PTPRO: variants seen among roughly 807,000 people sequenced by gnomAD.
The protein encoded by PTPRO is protein tyrosine phosphatase receptor type O.
A neutral mutation model predicts 145.2 loss-of-function variants in PTPRO; 62 were observed. The ratio of observed to expected loss-of-function variants is 0.43; its 90% CI spans 0.35 to 0.53. The LOEUF (loss-of-function observed/expected upper bound fraction) is 0.53. Ranked by LOEUF, PTPRO falls within the 20% of genes least tolerant of loss-of-function variation. PTPRO has a pLI of 0.01. For synonymous variants in PTPRO, 565 were observed against 514.7 expected (o/e 1.10, Z -1.32); for missense variants, 1,345 against 1,482.7 (o/e 0.91, Z 1.53).
chr12:15,529,748 A>G (rs1942921197), intron 12 of PTPRO, among the ~76,000 whole-genome samples: 1 of 152,250 alleles, frequency 6.6e-6, no homozygotes, highest in South Asian at 2.1e-4. Context: ...CAGTTCATTA[A>G]AAATAAAAAG....
At chr12:15,440,862 C>A (rs1212310328) in intron 1 of PTPRO, among the ~76,000 whole-genome samples, 1 of 152,166 alleles carries the variant, frequency 6.6e-6, no homozygotes, top group East Asian at 1.9e-4. Context: ...AACTTTGGAG[C>A]AACCAGATTT....
rs552145740 is a variant in PTPRO, at chr12:15,403,443, C to T, written c.76-80531C>T. ...AGTAAAAATACAAAAATTAGCCGGG[C>T]GTGGTGGCACACACCTGTAGTCCCA... On this transcript the variant is annotated intron_variant, in intron 1 of 26. Transcript: ENST00000281171. Among the ~76,000 whole-genome samples, 297 of 152,166 alleles carry T rather than the reference C, an allele frequency of 2.0e-3. 1 individual carries two copies. Among genetic ancestry groups the T allele is most frequent in the Non-Finnish European group, 2.1e-3 (143 of 68,006 alleles).
intron 1 of PTPRO, among the ~76,000 whole-genome samples, chr12:15,408,843 G>A (rs983687044): frequency 2.2e-4 from 34 of 152,034 alleles, no homozygotes; most frequent in African/African-American, 6.5e-4. Flanking sequence ...TCTTAGCCTC[G>A]GTATCTTTAA....
intron 23 of PTPRO, among the ~76,000 whole-genome samples, chr12:15,582,603 T>C (rs1944344860): frequency 6.6e-6 from 1 of 152,208 alleles, no homozygotes; most frequent in Non-Finnish European, 1.5e-5. Flanking sequence ...AGGACAGAAG[T>C]GTTCTCATTA....
chr12:15,344,187 C>T (rs1867114772), intron 1 of PTPRO, among the ~76,000 whole-genome samples: 1 of 152,158 alleles, frequency 6.6e-6, no homozygotes, highest in Non-Finnish European at 1.5e-5. Context: ...CACACTTGAA[C>T]ATTGTTAATG....
Position 15,322,886 on chromosome 12 carries a change from G to A in PTPRO, c.75+85G>A, listed in dbSNP as rs1866341137. On this transcript the variant is annotated intron_variant, in intron 1 of 26. Coordinates refer to ENST00000281171, the MANE Select transcript of PTPRO (RefSeq NM_030667.3). This position sits in a 1 kb window ranked among gnomAD's most constrained non-coding sequence, Gnocchi z 6.3. Reference sequence around the variant, plus strand: ...CCCTCGCTCTGCCGTTGGGAGCGGCGCGCCCCAGGGCACGATGGCCCAGCC... The same window carrying A: ...CCCTCGCTCTGCCGTTGGGAGCGGCACGCCCCAGGGCACGATGGCCCAGCC... 7.2e-7 allele frequency: 1 copy of A among 1,391,222 alleles called. No individual in the cohort carries two copies. The highest frequency in any genetic ancestry group is 9.9e-7 in the Non-Finnish European group (1 of 1,008,466). 86.2% of individuals were successfully genotyped at this position (1,391,222 alleles called of 1,614,324 possible).
At chr12:15,327,762 G>C (rs1866488142) in intron 1 of PTPRO, among the ~76,000 whole-genome samples, 1 of 152,106 alleles carries the variant, frequency 6.6e-6, no homozygotes, top group African/African-American at 2.4e-5. Flanking sequence ...GAATGGATTG[G>C]GATGAGTGTG....
chr12:15,466,631 A>G (rs1941423660), intron 1 of PTPRO, among the ~76,000 whole-genome samples: 1 of 152,172 alleles, frequency 6.6e-6, no homozygotes, highest in African/African-American at 2.4e-5. Context: ...AAGCACCTTA[A>G]TTACATTTTT....
chr12:15,335,106 AATT>A (rs1565569749), intron 1 of PTPRO, among the ~76,000 whole-genome samples: 1 of 152,122 alleles, frequency 6.6e-6, no homozygotes, highest in African/African-American at 2.4e-5. Flanking sequence ...ACTAAAGTGT[AATT>A]ATAAAAATTG....
intron 2 of PTPRO, among the ~76,000 whole-genome samples, chr12:15,496,531 G>T (rs1240897339): frequency 3.9e-5 from 6 of 152,130 alleles, no homozygotes; most frequent in Non-Finnish European, 5.9e-5. Context: ...CAAGAATTTT[G>T]CAGGAGAGTG....
At chr12:15,404,676 A>G (rs1455463915) in intron 1 of PTPRO, among the ~76,000 whole-genome samples, 1 of 152,022 alleles carries the variant, frequency 6.6e-6, no homozygotes, top group African/African-American at 2.4e-5. Flanking sequence ...AGACTAAGAG[A>G]AAAAAAACCT....
chr12:15,493,409 T>A (rs253861), intron 2 of PTPRO, among the ~76,000 whole-genome samples: 3,022 of 152,040 alleles, frequency 0.02, 114 homozygotes, highest in East Asian at 0.14. Context: ...GACACAATTT[T>A]AAAAAATGAC....
chr12:15,520,328 G>C lies in PTPRO; in HGVS notation c.1891+16G>C. The C allele has an allele frequency of 6.4e-7, 1 of 1,562,916 alleles. No individual in the cohort carries two copies. Among genetic ancestry groups the C allele is most frequent in the Non-Finnish European group, 8.8e-7 (1 of 1,133,686 alleles). ...TTCATAACAGGTGAGGCATGTGTGG[G>C]GAACAGTTCCACAAGGAGAGAGCAT... is the stretch of plus-strand genomic sequence containing the variant. On this transcript the variant is annotated intron_variant, in intron 10 of 26. Coordinates refer to ENST00000281171, the MANE Select transcript of PTPRO (RefSeq NM_030667.3).
chr12:15,498,321 G>A (rs1341855155), intron 3 of PTPRO, among the ~76,000 whole-genome samples: 4 of 152,150 alleles, frequency 2.6e-5, no homozygotes, highest in South Asian at 2.1e-4. Context: ...TTGGGAGGCC[G>A]AGGTGGGCAG....
chr12:15,549,088 C>T lies in PTPRO; in HGVS notation c.2305-6C>T, dbSNP rs1385041292. 2 of 1,612,804 alleles carry T rather than the reference C, an allele frequency of 1.2e-6. No homozygotes were observed. The highest frequency in any genetic ancestry group is 2.2e-5 in the East Asian group (1 of 44,846). ...CTAAAATTTACCTTATTTTCTGAAA[C>T]CCCAGGAACCAGTTGCTGTTTCTTC... On this transcript the variant is annotated splice_region_variant and splice_polypyrimidine_tract_variant and intron_variant, in intron 13 of 26. Coordinates refer to ENST00000281171, the MANE Select transcript of PTPRO (RefSeq NM_030667.3).
intron 2 of PTPRO, among the ~76,000 whole-genome samples, chr12:15,491,730 C>T (rs1942003113): frequency 6.6e-6 from 1 of 152,144 alleles, no homozygotes; most frequent in African/African-American, 2.4e-5. Context: ...CATTTCCAGA[C>T]ACAAAGCCAC....
intron 1 of PTPRO, among the ~76,000 whole-genome samples, chr12:15,376,860 G>A (rs2136268886): frequency 6.6e-6 from 1 of 152,172 alleles, no homozygotes; most frequent in East Asian, 1.9e-4. Flanking sequence ...CACATTGGGG[G>A]TATTTCAATA....
At chr12:15,552,839 G>A (rs977727286) in intron 15 of PTPRO, among the ~76,000 whole-genome samples, 16 of 119,884 alleles carry the variant, frequency 1.3e-4, no homozygotes, top group South Asian at 5.4e-4. Context: ...TCACTCTGTC[G>A]CCCAGGCTGG....
At chr12:15,477,302 G>GC (rs1487758056) in intron 1 of PTPRO, among the ~76,000 whole-genome samples, 3 of 130,506 alleles carry the variant, frequency 2.3e-5, no homozygotes, top group African/African-American at 8.9e-5. Flanking sequence ...ATTGAACAAT[G>GC]AGATCACATG....
Sources: allele counts gnomAD v4.1 joint callset (sites outside exome capture counted in the v4.1 genomes callset), GRCh38; gene constraint gnomAD v4.1.1; non-coding constraint Gnocchi (gnomAD v3.1); transcripts MANE v1.5; gene names NCBI Gene and HGNC (gene_info 2026-07-23, HGNC 2026-07-21).